KIAA0825: variants seen among roughly 807,000 people sequenced by gnomAD.
KIAA0825 encodes the protein KIAA0825.
A neutral mutation model predicts 147.6 loss-of-function variants in KIAA0825; 119 were observed. That is an observed-to-expected ratio of 0.81 (90% CI 0.69 to 0.94). The LOEUF is 0.94. Ranked by LOEUF, KIAA0825 falls within the 40% of genes least tolerant of loss-of-function variation. The pLI, the probability that KIAA0825 is intolerant of heterozygous loss-of-function variation, is 0.00. For synonymous variants in KIAA0825, 470 were observed against 518.1 expected (o/e 0.91, Z 1.26); for missense variants, 1,381 against 1,472.7 (o/e 0.94, Z 1.02).
At chr5:94,300,131 T>C (rs1584040844) in intron 20 of KIAA0825, among the ~76,000 whole-genome samples, 2 of 152,032 alleles carry the variant, frequency 1.3e-5, no homozygotes, top group East Asian at 3.9e-4. Context: ...TTATACATAT[T>C]AGGAGATCAT....
At chr5:94,268,345 G>C (rs548703719) in intron 20 of KIAA0825, among the ~76,000 whole-genome samples, 17 of 152,200 alleles carry the variant, frequency 1.1e-4, no homozygotes, top group Admixed American at 1.0e-3. Context: ...GGGCGGGCTG[G>C]GTGTTGGAAA....
chr5:94,462,067 C>T (rs1037969917), intron 12 of KIAA0825, among the ~76,000 whole-genome samples: 1 of 151,800 alleles, frequency 6.6e-6, no homozygotes, highest in Admixed American at 6.6e-5. Flanking sequence ...CTGCGATAAC[C>T]AGGCCATCAA....
intron 20 of KIAA0825, among the ~76,000 whole-genome samples, chr5:94,219,103 C>G (rs560634602): frequency 6.6e-6 from 1 of 152,012 alleles, no homozygotes; most frequent in South Asian, 2.1e-4. Context: ...GGAGAAGAGA[C>G]AGTTTTGGAA....
chr5:94,477,312 T>TC (rs1762005083), intron 6 of KIAA0825, 107 bp from the exon 7 acceptor site: 2 of 692,120 alleles, frequency 2.9e-6, no homozygotes, highest in Admixed American at 2.4e-5. Flanking sequence ...AAAAGTTCTA[T>TC]CCACAGTACA....
chr5:94,471,543 G>T lies in KIAA0825; in HGVS notation c.1644C>A (p.His548Gln). The T allele has an allele frequency of 6.4e-7, 1 of 1,551,974 alleles. No homozygotes were observed. The highest frequency in any genetic ancestry group is 8.7e-7 in the Non-Finnish European group (1 of 1,147,048). The change falls in exon 9 of 21, where the codon CAC becomes CAA. Residue 548 changes from histidine (H) to glutamine (Q), a missense_variant. Physicochemically the swap from His to Gln is conservative, Grantham distance 24 (BLOSUM62 0). Transcript: ENST00000682413. ...VPSKAPLKNL[H>Q]TYLSTAVYVF... Reference sequence around the variant, plus strand: ...CATACACCGCTGTGGAGAGGTATGTGTGCAAGTTTTTCAGGGGTGCTTTGG... The same window carrying T: ...CATACACCGCTGTGGAGAGGTATGTTTGCAAGTTTTTCAGGGGTGCTTTGG...
intron 2 of KIAA0825, among the ~76,000 whole-genome samples, chr5:94,540,227 A>C (rs910073513): frequency 1.3e-5 from 2 of 152,242 alleles, no homozygotes; most frequent in Admixed American, 1.3e-4. Flanking sequence ...AGCTAGTCTT[A>C]AGCTGTAGTG....
At chr5:94,360,464 T>C (rs1744912597) in intron 20 of KIAA0825, among the ~76,000 whole-genome samples, 1 of 152,120 alleles carries the variant, frequency 6.6e-6, no homozygotes. Flanking sequence ...CAGGATGAGA[T>C]AGGAGGTTGG....
rs191115672 is a variant in KIAA0825, at chr5:94,303,275, C to A, written c.3710+81093G>T. Reference sequence around the variant, plus strand: ...ATATCTCAAAACTAATATTTAATCCCAAATTTAAAATATAAAAGTAGGAAT... The same window carrying A: ...ATATCTCAAAACTAATATTTAATCCAAAATTTAAAATATAAAAGTAGGAAT... On this transcript the variant is annotated intron_variant, in intron 20 of 20. Coordinates refer to ENST00000682413, the MANE Select transcript of KIAA0825 (RefSeq NM_001145678.3). Among the ~76,000 whole-genome samples, 43 of 151,854 alleles carry A rather than the reference C, an allele frequency of 2.8e-4. No homozygotes were observed. The East Asian group carries it at 8.2e-3, about 29-fold the overall frequency.
chr5:94,303,372 C>T (rs13155450), intron 20 of KIAA0825, among the ~76,000 whole-genome samples: 55,518 of 151,572 alleles, frequency 0.37, 10,407 homozygotes, highest in African/African-American at 0.39. Flanking sequence ...GTCAAGACAA[C>T]TGGTCCATAT....
chr5:94,606,927 G>A (rs1561387095), intron 1 of KIAA0825, among the ~76,000 whole-genome samples: 1 of 152,060 alleles, frequency 6.6e-6, no homozygotes, highest in Non-Finnish European at 1.5e-5. Context: ...ACAGGAGGAG[G>A]TACCAGTCTC....
chr5:94,317,526 A>T (rs1021756765), intron 20 of KIAA0825, among the ~76,000 whole-genome samples: 10 of 151,806 alleles, frequency 6.6e-5, no homozygotes, highest in African/African-American at 2.4e-4. Context: ...GCATTGCACA[A>T]CTCCAGGGCT....
At chr5:94,199,839 G>C (rs1771499906) in intron 20 of KIAA0825, among the ~76,000 whole-genome samples, 1 of 152,188 alleles carries the variant, frequency 6.6e-6, no homozygotes, top group Admixed American at 6.5e-5. Context: ...TGATGGGAGG[G>C]CGACAGCTAT....
intron 20 of KIAA0825, among the ~76,000 whole-genome samples, chr5:94,334,787 A>G (rs1051338349): frequency 6.6e-6 from 1 of 152,158 alleles, no homozygotes; most frequent in Non-Finnish European, 1.5e-5. Flanking sequence ...CCCGGCCACA[A>G]ACTACTTTTT....
At chr5:94,333,601 C>A (rs1781499131) in intron 20 of KIAA0825, among the ~76,000 whole-genome samples, 1 of 152,042 alleles carries the variant, frequency 6.6e-6, no homozygotes, top group Admixed American at 6.6e-5. Flanking sequence ...TGTTTTGGTA[C>A]CAGGACCATG....
intron 2 of KIAA0825, among the ~76,000 whole-genome samples, chr5:94,543,815 C>A (rs1263394417): frequency 1.3e-5 from 2 of 152,160 alleles, no homozygotes; most frequent in Non-Finnish European, 2.9e-5. Context: ...ACAAGAGTGA[C>A]CCCGGTCATC....
At chr5:94,609,441 CA>C (rs1788277655) in intron 1 of KIAA0825, among the ~76,000 whole-genome samples, 1 of 151,782 alleles carries the variant, frequency 6.6e-6, no homozygotes, top group South Asian at 2.1e-4. Context: ...ATTTATAATA[CA>C]AAAAATATAA....
chr5:94,158,899 T>C (rs1387434436), intron 20 of KIAA0825, among the ~76,000 whole-genome samples: 2 of 152,144 alleles, frequency 1.3e-5, no homozygotes, highest in Non-Finnish European at 2.9e-5. Flanking sequence ...ACTCAACAAG[T>C]GATAACTATT....
intron 12 of KIAA0825, among the ~76,000 whole-genome samples, chr5:94,456,491 C>A (rs1178137389): frequency 1.3e-5 from 2 of 152,132 alleles, no homozygotes; most frequent in Non-Finnish European, 2.9e-5. Flanking sequence ...TTTATCTGCT[C>A]CATACCACAA....
intron 20 of KIAA0825, among the ~76,000 whole-genome samples, chr5:94,216,670 A>T (rs981139355): frequency 3.3e-5 from 5 of 152,184 alleles, no homozygotes; most frequent in Non-Finnish European, 7.3e-5. Flanking sequence ...CCGTCTTCTC[A>T]CTTCCCCCAC....
Sources: allele counts gnomAD v4.1 joint callset (sites outside exome capture counted in the v4.1 genomes callset), GRCh38; gene constraint gnomAD v4.1.1; transcripts MANE v1.5; gene names NCBI Gene and HGNC (gene_info 2026-07-23, HGNC 2026-07-21).